The following KHDRBS2 variants were observed in gnomAD, a reference collection of about 807,000 sequenced individuals.
The protein encoded by KHDRBS2 is KH RNA binding domain containing, signal transduction associated 2.
Under a neutral mutation model 44.3 loss-of-function variants are expected in KHDRBS2, and 26 were observed. The observed-to-expected ratio is 0.59, with a 90% CI of 0.43 to 0.81. KHDRBS2 has a LOEUF of 0.81. Ranked by LOEUF, KHDRBS2 falls within the 40% of genes least tolerant of loss-of-function variation. The pLI is 0.00. For synonymous variants in KHDRBS2, 194 were observed against 151.1 expected (o/e 1.28, Z -2.08); for missense variants, 476 against 433.1 (o/e 1.10, Z -0.88).
At chr6:62,026,981 T>A (rs1289256566) in intron 3 of KHDRBS2, among the ~76,000 whole-genome samples, 1 of 152,044 alleles carries the variant, frequency 6.6e-6, no homozygotes, top group East Asian at 1.9e-4. Context: ...AGGAAAATTT[T>A]ATTCCAATTA....
At position 62,191,246 on chromosome 6, in the gene KHDRBS2, A is replaced by G. The variant is rs190195757; in HGVS notation, c.92-13934T>C. On this transcript the variant is annotated intron_variant, in intron 1 of 8. Transcript: ENST00000281156. ...AACCGTTCTAGTCTTATTGCTCACC[A>G]CTTTCTAGTCTTCTTTCTTGCCATC... Among the ~76,000 whole-genome samples, 268 of 152,102 alleles carry G rather than the reference A, an allele frequency of 1.8e-3. 7 individuals carry two copies. In the South Asian group the frequency reaches 0.051, roughly 29 times the overall value.
the KHDRBS2 span, among the ~76,000 whole-genome samples, chr6:61,650,027 T>C: frequency 6.6e-6 from 1 of 152,154 alleles, no homozygotes; most frequent in Non-Finnish European, 1.5e-5. Context: ...CAAGCCCCAG[T>C]TGCTCACCAG....
intron 6 of KHDRBS2, among the ~76,000 whole-genome samples, chr6:61,870,416 C>T (rs1192937415): frequency 1.3e-5 from 2 of 152,166 alleles, no homozygotes; most frequent in Non-Finnish European, 2.9e-5. Context: ...ATAAAACACC[C>T]ATCTGCCTGG....
the KHDRBS2 span, among the ~76,000 whole-genome samples, chr6:61,653,580 A>G: frequency 6.6e-6 from 1 of 151,170 alleles, no homozygotes; most frequent in African/African-American, 2.4e-5. Flanking sequence ...TCCTTCCTTT[A>G]TGGAACTTCA....
intron 6 of KHDRBS2, among the ~76,000 whole-genome samples, chr6:61,788,117 G>C (rs76087742): frequency 1.3e-5 from 2 of 151,416 alleles, no homozygotes; most frequent in Non-Finnish European, 3.0e-5. Flanking sequence ...TTACAAATAC[G>C]GACAAAATAA....
chr6:61,614,748 A>T, the KHDRBS2 span, among the ~76,000 whole-genome samples: 3 of 152,024 alleles, frequency 2.0e-5, no homozygotes, highest in African/African-American at 7.3e-5. Context: ...AAAAATTGTG[A>T]ACTGGGGATT....
intron 2 of KHDRBS2, among the ~76,000 whole-genome samples, chr6:62,055,771 T>A (rs1790144044): frequency 6.6e-6 from 1 of 151,994 alleles, no homozygotes; most frequent in African/African-American, 2.4e-5. Flanking sequence ...GTTTTGTCAA[T>A]ATCAAGAAGT....
chr6:61,786,624 G>A (rs1286912603), intron 6 of KHDRBS2, among the ~76,000 whole-genome samples: 3 of 151,968 alleles, frequency 2.0e-5, no homozygotes, highest in African/African-American at 7.2e-5. Context: ...GGTCTTGCAA[G>A]CAAGGGAATT....
intron 3 of KHDRBS2, among the ~76,000 whole-genome samples, chr6:62,041,749 C>A (rs1266221263): frequency 4.0e-5 from 6 of 151,726 alleles, no homozygotes; most frequent in African/African-American, 9.7e-5. Context: ...TGTCTAGATG[C>A]GAATAAAATC....
the KHDRBS2 span, among the ~76,000 whole-genome samples, chr6:61,661,683 C>T: frequency 2.0e-5 from 3 of 151,782 alleles, no homozygotes; most frequent in Non-Finnish European, 4.4e-5. Flanking sequence ...ACGAATCCAA[C>T]TTACAAGGGA....
intron 2 of KHDRBS2, among the ~76,000 whole-genome samples, chr6:62,126,119 T>C (rs1443742541): frequency 6.6e-6 from 1 of 152,078 alleles, no homozygotes; most frequent in Non-Finnish European, 1.5e-5. Context: ...CCTACTGCCC[T>C]GAAAGGAGAG....
At chr6:61,994,041 T>C (rs1258786581) in intron 3 of KHDRBS2, among the ~76,000 whole-genome samples, 1 of 152,172 alleles carries the variant, frequency 6.6e-6, no homozygotes, top group Non-Finnish European at 1.5e-5. Context: ...AGTATTTTGC[T>C]GTTTACCTCG....
intron 4 of KHDRBS2, among the ~76,000 whole-genome samples, chr6:61,902,001 G>T (rs1017616524): frequency 2.0e-5 from 3 of 151,916 alleles, no homozygotes; most frequent in Non-Finnish European, 1.5e-5. Flanking sequence ...TGTCGCCCAC[G>T]CTGGAGTACA....
At chr6:61,682,438 C>T (rs984140814) in intron 8 of KHDRBS2, among the ~76,000 whole-genome samples, 1 of 151,766 alleles carries the variant, frequency 6.6e-6, no homozygotes, top group Admixed American at 6.6e-5. Flanking sequence ...AACAAATGTT[C>T]CCATTGCTCA....
At chr6:62,014,819 T>C (rs1421995049) in intron 3 of KHDRBS2, among the ~76,000 whole-genome samples, 3 of 152,128 alleles carry the variant, frequency 2.0e-5, no homozygotes, top group Non-Finnish European at 4.4e-5. Flanking sequence ...TTTTGACAAC[T>C]TGTCATATAT....
chr6:61,657,613 C>A, the KHDRBS2 span, among the ~76,000 whole-genome samples: 7 of 151,928 alleles, frequency 4.6e-5, no homozygotes, highest in Non-Finnish European at 1.0e-4. Flanking sequence ...TGTTGGTTAG[C>A]AGATAGAGCT....
At chr6:61,704,136 AAC>A (rs1048577291) in intron 7 of KHDRBS2, among the ~76,000 whole-genome samples, 6 of 151,880 alleles carry the variant, frequency 4.0e-5, no homozygotes, top group African/African-American at 1.4e-4. Flanking sequence ...CACCTATCCC[AAC>A]ACATTCTTTC....
At chr6:62,180,728 A>G (rs1434797344) in intron 1 of KHDRBS2, among the ~76,000 whole-genome samples, 1 of 151,852 alleles carries the variant, frequency 6.6e-6, no homozygotes, top group Non-Finnish European at 1.5e-5. Context: ...AGAACTTCAA[A>G]TGGCCAAAGT....
chr6:61,918,056 A>G (rs1807351178), intron 4 of KHDRBS2, among the ~76,000 whole-genome samples: 1 of 151,956 alleles, frequency 6.6e-6, no homozygotes, highest in Non-Finnish European at 1.5e-5. Flanking sequence ...TCGGCGAATG[A>G]TGAAGTATTG....
Sources: gnomAD v4.1 joint callset for allele counts (sites outside exome capture counted in the v4.1 genomes callset) on GRCh38, gnomAD v4.1.1 for gene constraint, MANE v1.5 for transcripts, NCBI Gene and HGNC (gene_info 2026-07-23, HGNC 2026-07-21) for gene names.